RORB: variants seen among roughly 807,000 people sequenced by gnomAD.
RORB encodes the protein RAR related orphan receptor B.
A neutral mutation model predicts 59.1 loss-of-function variants in RORB; 6 were observed. The ratio of observed to expected loss-of-function variants is 0.10; its 90% CI spans 0.06 to 0.20. The LOEUF (loss-of-function observed/expected upper bound fraction) is 0.20. RORB is among the 10% of genes least tolerant of loss of function. The probability of loss-of-function intolerance (pLI) is 1.00; values close to 1 mark genes in which losing one functional copy is unlikely to be tolerated. For synonymous variants in RORB, 215 were observed against 204.5 expected (o/e 1.05, Z -0.44); for missense variants, 320 against 560.5 (o/e 0.57, Z 4.33).
At chr9:74,634,112 C>A (rs898485574) in intron 2 of RORB, among the ~76,000 whole-genome samples, 4 of 143,626 alleles carry the variant, frequency 2.8e-5, no homozygotes, top group African/African-American at 1.0e-4. Context: ...CAGCTGCATT[C>A]GAGCCAAATT....
rs375273018 is a variant in RORB at position 74,685,606 on chromosome 9, C to T, written c.1368C>T (p.Thr456=). ...AGCTCTTTAATCCTGACTGTGCCACCGGCTGCAAATGAAGGGGACAAGAGA... is the reference window on the plus strand; with the variant it reads ...AGCTCTTTAATCCTGACTGTGCCACTGGCTGCAAATGAAGGGGACAAGAGA... ...YKELFNPDCA[T]GCK is the part of the protein sequence containing the mutation. Residue 456 remains threonine (T), a synonymous_variant, in exon 10 of 10, where the codon ACC becomes ACT. Coordinates refer to ENST00000376896, the MANE Select transcript of RORB (RefSeq NM_006914.4). The T allele has an allele frequency of 6.9e-6, 11 of 1,592,568 alleles. No individual in the cohort carries two copies. Among genetic ancestry groups the T allele is most frequent in the African/African-American group, 5.4e-5 (4 of 74,540 alleles).
chr9:74,622,899 G>A (rs777991481), intron 1 of RORB, among the ~76,000 whole-genome samples: 23 of 152,098 alleles, frequency 1.5e-4, no homozygotes, highest in Admixed American at 5.9e-4. Flanking sequence ...GAAGGCCAAT[G>A]CTACTGGTCA....
In RORB at chr9:74,673,017, A is replaced by G. The variant is rs927907293; in HGVS notation, c.1224+1116A>G. On this transcript the variant is annotated intron_variant, in intron 9 of 9. Transcript: ENST00000376896. ...CATGAGTTAAATATGCTGCTTCATT[A>G]TGGTAACATTTTGTTAAAATTAACG... 7.2e-5 allele frequency among the ~76,000 whole-genome samples: 11 copies of G among 152,310 alleles called. 1 individual carries two copies. The East Asian group carries it at 1.9e-3, about 27-fold the overall frequency.
chr9:74,514,952 G>A (rs111806259), intron 1 of RORB, among the ~76,000 whole-genome samples: 1 of 151,232 alleles, frequency 6.6e-6, no homozygotes, highest in African/African-American at 2.4e-5. Flanking sequence ...AACCCCTTGA[G>A]GTCAGACAGC....
chr9:74,513,522 G>T (rs191526920), intron 1 of RORB, among the ~76,000 whole-genome samples: 1 of 151,916 alleles, frequency 6.6e-6, no homozygotes, highest in African/African-American at 2.4e-5. Flanking sequence ...ATTCAATCTA[G>T]AAGGAATTTT....
chr9:74,671,290 T>C (rs750542188), intron 8 of RORB, among the ~76,000 whole-genome samples: 1 of 152,164 alleles, frequency 6.6e-6, no homozygotes, highest in Non-Finnish European at 1.5e-5. Context: ...AAAATAGAAC[T>C]TAGAAGTGAA....
intron 1 of RORB, among the ~76,000 whole-genome samples, chr9:74,512,775 A>T (rs1354751301): frequency 6.6e-6 from 1 of 152,166 alleles, no homozygotes; most frequent in Non-Finnish European, 1.5e-5. Flanking sequence ...GTATTCTCTG[A>T]GAAAGCTGCT....
intron 4 of RORB, among the ~76,000 whole-genome samples, chr9:74,654,277 CA>C (rs1395091027): frequency 6.6e-6 from 1 of 150,982 alleles, no homozygotes; most frequent in Non-Finnish European, 1.5e-5. Flanking sequence ...TAATAGATCA[CA>C]ATGAAGAGTA....
intron 1 of RORB, among the ~76,000 whole-genome samples, chr9:74,535,939 G>A (rs1055932248): frequency 1.3e-5 from 2 of 151,928 alleles, no homozygotes; most frequent in African/African-American, 4.8e-5. Context: ...ATAAATTATG[G>A]ATATAAGGGA....
At chr9:74,533,157 A>G (rs1826273271) in intron 1 of RORB, among the ~76,000 whole-genome samples, 2 of 151,862 alleles carry the variant, frequency 1.3e-5, no homozygotes, top group Non-Finnish European at 2.9e-5. Context: ...TGCTCCACAC[A>G]AACATTGTTC....
In RORB at chr9:74,691,928, T is replaced by C. The variant is rs1302041546; in HGVS notation, c.*6310T>C. On this transcript the variant is annotated 3_prime_UTR_variant, in exon 10 of 10. Transcript: ENST00000376896. ...GCCTAAGACCTGCAAACTCCATCTA[T>C]AACTAGAAAATACGAAAAAGGAAAA... The C allele has an allele frequency of 1.3e-5, 2 of 152,048 alleles. No individual in the cohort carries two copies. The highest frequency in any genetic ancestry group is 4.8e-5 in the African/African-American group (2 of 41,380). 9.4% of individuals were successfully genotyped at this position (152,048 alleles called of 1,614,324 possible). A position where few individuals can be genotyped will look rare whatever the true frequency, so the allele number is the denominator to read the frequency against.
chr9:74,607,118 C>T (rs1823160846), intron 1 of RORB, among the ~76,000 whole-genome samples: 1 of 152,176 alleles, frequency 6.6e-6, no homozygotes, highest in Admixed American at 6.5e-5. Context: ...TGCGATGTTG[C>T]ATATTCAGCA....
At chr9:74,617,090 C>A (rs1485039815) in intron 1 of RORB, among the ~76,000 whole-genome samples, 4 of 9,996 alleles carry the variant, frequency 4.0e-4, no homozygotes, top group Non-Finnish European at 1.4e-3. Context: ...ACCACCCGCT[C>A]CCCCCGCAAA....
intron 1 of RORB, 37 bp from the exon 2 acceptor site, chr9:74,630,245 C>G: frequency 6.2e-7 from 1 of 1,608,072 alleles, no homozygotes; most frequent in African/African-American, 1.3e-5. Flanking sequence ...AGAAAGAAAA[C>G]ATCTGTATGC....
intron 1 of RORB, among the ~76,000 whole-genome samples, chr9:74,518,296 G>A (rs1000771648): frequency 2.6e-5 from 4 of 151,930 alleles, no homozygotes; most frequent in East Asian, 1.9e-4. Context: ...GAGGAAGATC[G>A]TTCAAAAACA....
rs767142148 is a variant in RORB, at chr9:74,497,929, G to C, written c.-48G>C. 1.2e-6 allele frequency: 2 copies of C among 1,608,084 alleles called. No homozygotes were observed. The highest frequency in any genetic ancestry group is 1.7e-6 in the Non-Finnish European group (2 of 1,177,432). ...GGATTTTTGGGCTCTCCGGGGTTCG[G>C]GCTGGGAGCAGCTTCATGACTACGC... On this transcript the variant is annotated 5_prime_UTR_variant, in exon 1 of 10. Transcript: ENST00000376896.
intron 1 of RORB, among the ~76,000 whole-genome samples, chr9:74,506,040 T>A (rs1825867042): frequency 6.6e-6 from 1 of 151,902 alleles, no homozygotes; most frequent in Non-Finnish European, 1.5e-5. Flanking sequence ...CATATACATT[T>A]GTTTTTATAA....
At chr9:74,566,269 C>T (rs1175426811) in intron 1 of RORB, among the ~76,000 whole-genome samples, 3 of 151,874 alleles carry the variant, frequency 2.0e-5, no homozygotes, top group African/African-American at 7.3e-5. Flanking sequence ...TCTATGAAAT[C>T]TAAACTTTTT....
At chr9:74,507,227 T>C in intron 1 of RORB, among the ~76,000 whole-genome samples, 1 of 152,116 alleles carries the variant, frequency 6.6e-6, no homozygotes, top group East Asian at 1.9e-4. Context: ...GTGTTACATA[T>C]AACTTAAGTC....
Sources: allele counts gnomAD v4.1 joint callset (sites outside exome capture counted in the v4.1 genomes callset), GRCh38; gene constraint gnomAD v4.1.1; transcripts MANE v1.5; gene names NCBI Gene and HGNC (gene_info 2026-07-23, HGNC 2026-07-21).